The following SMOC2 variants were observed in gnomAD, a reference collection of about 807,000 sequenced individuals.
SMOC2 encodes SPARC-related modular calcium-binding protein 2.
A neutral mutation model predicts 61.4 loss-of-function variants in SMOC2; 39 were observed. That is an observed-to-expected ratio of 0.64 (90% CI 0.49 to 0.83). SMOC2 has a LOEUF of 0.83. Ranked by LOEUF, SMOC2 falls within the 40% of genes least tolerant of loss-of-function variation. SMOC2 has a pLI of 0.00. For synonymous variants in SMOC2, 247 were observed against 239.9 expected (o/e 1.03, Z -0.27); for missense variants, 556 against 592.9 (o/e 0.94, Z 0.65).
chr6:168,533,237 C>A (rs918004665), intron 4 of SMOC2, among the ~76,000 whole-genome samples: 3 of 152,166 alleles, frequency 2.0e-5, no homozygotes, highest in Non-Finnish European at 4.4e-5. Context: ...ATTTCTAAAT[C>A]TGGGTTTGGG....
chr6:168,647,323 G>A (rs1020169568), intron 9 of SMOC2, among the ~76,000 whole-genome samples: 8 of 152,212 alleles, frequency 5.3e-5, no homozygotes, highest in African/African-American at 1.9e-4. Flanking sequence ...GGGGCGGAGT[G>A]TGCTAGAAAG....
intron 7 of SMOC2, among the ~76,000 whole-genome samples, chr6:168,586,922 C>T (rs1458263828): frequency 2.0e-5 from 3 of 152,126 alleles, no homozygotes; most frequent in Non-Finnish European, 2.9e-5. Flanking sequence ...AGTGTTCAGT[C>T]TTTTGTCATT....
intron 10 of SMOC2, 71 bp from the exon 11 acceptor site, chr6:168,652,883 G>T: frequency 6.7e-7 from 1 of 1,486,588 alleles, no homozygotes. Context: ...ATGGGTTTGA[G>T]GGAAGGACAG....
chr6:168,498,638 G>A (rs1423981079), intron 1 of SMOC2, among the ~76,000 whole-genome samples: 1 of 152,240 alleles, frequency 6.6e-6, no homozygotes, highest in Non-Finnish European at 1.5e-5. Flanking sequence ...ACATGTGACT[G>A]TGTTGCATGA....
rs1299682550 is a variant in SMOC2 at position 168,589,971 on chromosome 6, T to G, written c.638-8847T>G. Among the ~76,000 whole-genome samples, 32 of 29,192 alleles carry G rather than the reference T, an allele frequency of 1.1e-3. 1 individual carries two copies. The highest frequency in any genetic ancestry group is 1.8e-3 in the Non-Finnish European group (28 of 15,202). 19.2% of individuals were successfully genotyped at this position (29,192 alleles called of 152,430 possible). A position where few individuals can be genotyped will look rare whatever the true frequency, so the allele number is the denominator to read the frequency against. ...GTCTGGTGGTGGTCAGGTGTGGCAT[T>G]AGTTTAGGGGGCAGCCGGCCTGGTG... On this transcript the variant is annotated intron_variant, in intron 7 of 12. Coordinates refer to ENST00000356284, the MANE Select transcript of SMOC2 (RefSeq NM_001166412.2).
intron 1 of SMOC2, among the ~76,000 whole-genome samples, chr6:168,456,012 G>T (rs13200293): frequency 0.026 from 3,901 of 152,312 alleles, 251 homozygotes; most frequent in Admixed American, 0.14. Flanking sequence ...GATGCCCCCA[G>T]CCCAGCCTCT....
At chr6:168,516,326 T>C (rs1321151000) in intron 2 of SMOC2, among the ~76,000 whole-genome samples, 2 of 151,974 alleles carry the variant, frequency 1.3e-5, no homozygotes, top group Non-Finnish European at 2.9e-5. Flanking sequence ...TCTGAGACTT[T>C]TAGGGCTGTC....
At chr6:168,490,607 A>G (rs1782451985) in intron 1 of SMOC2, among the ~76,000 whole-genome samples, 1 of 152,138 alleles carries the variant, frequency 6.6e-6, no homozygotes, top group Admixed American at 6.5e-5. Flanking sequence ...GCAAGCCCCT[A>G]GGTTTATCAG....
chr6:168,446,693 A>G (rs940381420), intron 1 of SMOC2, among the ~76,000 whole-genome samples: 2 of 152,240 alleles, frequency 1.3e-5, no homozygotes, highest in African/African-American at 4.8e-5. Context: ...GAAAGTGAAA[A>G]TAACAGACAT....
intron 9 of SMOC2, among the ~76,000 whole-genome samples, chr6:168,613,827 A>G (rs866771617): frequency 8.2e-5 from 7 of 85,432 alleles, no homozygotes; most frequent in Admixed American, 1.4e-4. Context: ...CCAGCACAGG[A>G]CCTCTTCACA....
intron 7 of SMOC2, among the ~76,000 whole-genome samples, chr6:168,581,962 C>T (rs543222043): frequency 1.3e-5 from 2 of 152,266 alleles, no homozygotes; most frequent in South Asian, 4.1e-4. Flanking sequence ...AGGTGGCCTG[C>T]CCCACCATCC....
chr6:168,519,575 C>T (rs953575814), intron 2 of SMOC2, among the ~76,000 whole-genome samples: 4 of 152,128 alleles, frequency 2.6e-5, no homozygotes, highest in Admixed American at 6.6e-5. Flanking sequence ...GAAACACAGC[C>T]GGACGTTCCT....
chr6:168,522,088 C>G (rs993895897), intron 2 of SMOC2, among the ~76,000 whole-genome samples: 4 of 152,128 alleles, frequency 2.6e-5, no homozygotes, highest in African/African-American at 9.7e-5. Context: ...ATTATAATTT[C>G]CAGCTAAGAT....
rs542205531 is a variant in SMOC2 at position 168,535,009 on chromosome 6, C to T, written c.463+7282C>T. Reference sequence around the variant, plus strand: ...TTTTTGAGATGGAGTCTGGCTCTGTCGCCCAGGCTGGAGTGCAGTGGCACA... The same window carrying T: ...TTTTTGAGATGGAGTCTGGCTCTGTTGCCCAGGCTGGAGTGCAGTGGCACA... On this transcript the variant is annotated intron_variant, in intron 4 of 12. Coordinates refer to ENST00000356284, the MANE Select transcript of SMOC2 (RefSeq NM_001166412.2). The surrounding 1 kb of genome is among the most constrained non-coding windows in gnomAD (Gnocchi z 4.6). 1.6e-3 allele frequency among the ~76,000 whole-genome samples: 242 copies of T among 152,010 alleles called. 5 individuals are homozygous for T. The South Asian group carries it at 0.034, about 22-fold the overall frequency.
At chr6:168,616,761 T>C (rs1786104646) in intron 9 of SMOC2, among the ~76,000 whole-genome samples, 1 of 152,116 alleles carries the variant, frequency 6.6e-6, no homozygotes, top group African/African-American at 2.4e-5. Flanking sequence ...ACCACACATA[T>C]AATTGCCATC....
intron 10 of SMOC2, among the ~76,000 whole-genome samples, chr6:168,652,501 C>G (rs1787220882): frequency 6.6e-6 from 1 of 152,122 alleles, no homozygotes; most frequent in African/African-American, 2.4e-5. Context: ...TAACATAATC[C>G]AAGGAAAAAT....
intron 1 of SMOC2, among the ~76,000 whole-genome samples, chr6:168,442,748 T>C (rs1235843942): frequency 1.3e-5 from 2 of 152,244 alleles, no homozygotes; most frequent in Non-Finnish European, 2.9e-5. Context: ...TTCTTTTGCG[T>C]TTTAGCAGTG....
In SMOC2 at chr6:168,666,364, A is replaced by C. The variant is rs1217938239; in HGVS notation, c.1324-57A>C. On this transcript the variant is annotated intron_variant, in intron 12 of 12. Coordinates refer to ENST00000356284, the MANE Select transcript of SMOC2 (RefSeq NM_001166412.2). ...CCAGAAGCCAAGCCTTAGTCTTCAC[A>C]GATGAGCGACACACACCTCTGAATA... 4 of 1,609,976 alleles carry C rather than the reference A, an allele frequency of 2.5e-6. No homozygotes were observed. In the African/African-American group the frequency reaches 5.3e-5, roughly 22 times the overall value.
intron 2 of SMOC2, among the ~76,000 whole-genome samples, chr6:168,521,495 G>T (rs1010869296): frequency 7.2e-5 from 11 of 152,066 alleles, no homozygotes; most frequent in African/African-American, 2.2e-4. Context: ...TCTGATTGGA[G>T]CCTATTTTGT....
Sources: allele counts gnomAD v4.1 joint callset (sites outside exome capture counted in the v4.1 genomes callset), GRCh38; gene constraint gnomAD v4.1.1; non-coding constraint Gnocchi (gnomAD v3.1); transcripts MANE v1.5; gene names NCBI Gene and HGNC (gene_info 2026-07-23, HGNC 2026-07-21).